Variants in STXBP5L observed in about 807,000 individuals in gnomAD.
STXBP5L encodes the protein syntaxin binding protein 5L.
A neutral mutation model predicts 144.5 loss-of-function variants in STXBP5L; 65 were observed. The observed-to-expected ratio is 0.45, with a 90% CI of 0.37 to 0.55. The LOEUF is 0.55. Among genes scored for constraint, STXBP5L ranks in the 20% least tolerant of loss-of-function variants. The pLI is 0.00. For missense variants in STXBP5L, 1,298 were observed against 1,405.5 expected, an observed-to-expected ratio of 0.92 and a Z score of 1.22; for synonymous variants, 505 against 469.6, an observed-to-expected ratio of 1.08 and a Z score of -0.97.
rs541720296 is a variant in STXBP5L at position 121,306,614 on chromosome 3, G to A, written c.2111-11861G>A. Among the ~76,000 whole-genome samples, 5 of 152,266 alleles carry A rather than the reference G, an allele frequency of 3.3e-5. No homozygotes were observed. In the East Asian group the frequency reaches 9.7e-4, roughly 29 times the overall value. On this transcript the variant is annotated intron_variant, in intron 19 of 26. Coordinates refer to ENST00000471454, the MANE Select transcript of STXBP5L (RefSeq NM_001308330.2). ...AAAGTGACTAGCCTTATATGAAACA[G>A]TGTGGGAAAGTTCAAGCCTAAGTGT...
chr3:121,043,870 T>C (rs913886946), intron 4 of STXBP5L, among the ~76,000 whole-genome samples: 2 of 152,226 alleles, frequency 1.3e-5, no homozygotes, highest in East Asian at 1.9e-4. Flanking sequence ...GAATGTTTTA[T>C]TGTTGTTACA....
chr3:121,134,735 T>G (rs2045165244), intron 7 of STXBP5L, among the ~76,000 whole-genome samples: 1 of 152,160 alleles, frequency 6.6e-6, no homozygotes, highest in African/African-American at 2.4e-5. Context: ...GGACATGAAC[T>G]CATCCTTTTT....
chr3:121,354,525 T>G lies in STXBP5L; in HGVS notation c.2177-24191T>G, dbSNP rs1003676379. Among the ~76,000 whole-genome samples, 793 of 148,612 alleles carry G rather than the reference T, an allele frequency of 5.3e-3. 6 individuals carry two copies. Among genetic ancestry groups the G allele is most frequent in the African/African-American group, 0.018 (730 of 40,412 alleles). ...CAACCCTGCTTTTTTTTTTTTTTTT[T>G]TTTTGCTCTCCATGTGCTTTGTAGA... On this transcript the variant is annotated intron_variant, in intron 20 of 26. Coordinates refer to ENST00000471454, the MANE Select transcript of STXBP5L (RefSeq NM_001308330.2).
chr3:121,167,954 G>C (rs187348931), intron 9 of STXBP5L, among the ~76,000 whole-genome samples: 49 of 152,242 alleles, frequency 3.2e-4, no homozygotes, highest in African/African-American at 1.1e-3. Context: ...TCTGGTGGGT[G>C]CCCCTCTGGG....
At chr3:120,911,098 A>G (rs977421727) in intron 2 of STXBP5L, among the ~76,000 whole-genome samples, 14 of 152,188 alleles carry the variant, frequency 9.2e-5, no homozygotes, top group African/African-American at 2.4e-5. Flanking sequence ...ATTTTTTCCA[A>G]ATTCTCTCAA....
intron 5 of STXBP5L, among the ~76,000 whole-genome samples, chr3:121,102,464 G>T (rs1407074292): frequency 6.6e-6 from 1 of 152,078 alleles, no homozygotes; most frequent in African/African-American, 2.4e-5. Flanking sequence ...AATGGGAAAA[G>T]TACTCCCTAT....
At chr3:121,378,930 GT>G (rs2046259593) in intron 21 of STXBP5L, 44 bp downstream of exon 21, 2 of 1,573,706 alleles carry the variant, frequency 1.3e-6, no homozygotes, top group Non-Finnish European at 1.7e-6. Context: ...TTAAAATTTG[GT>G]TTACAATGGT....
At chr3:120,914,826 G>A (rs1709025304) in intron 2 of STXBP5L, among the ~76,000 whole-genome samples, 2 of 152,064 alleles carry the variant, frequency 1.3e-5, no homozygotes, top group African/African-American at 4.8e-5. Context: ...CTACCATTAA[G>A]ACTAAGATGC....
chr3:121,255,420 A>T (rs190600569), intron 16 of STXBP5L, among the ~76,000 whole-genome samples: 4 of 152,214 alleles, frequency 2.6e-5, no homozygotes, highest in Admixed American at 2.6e-4. Flanking sequence ...CTTTGATGTT[A>T]CATGAGTTGC....
intron 2 of STXBP5L, among the ~76,000 whole-genome samples, chr3:120,952,647 C>G (rs1006461311): frequency 3.3e-5 from 5 of 152,030 alleles, no homozygotes; most frequent in Non-Finnish European, 5.9e-5. Flanking sequence ...GAAGCAGTGA[C>G]TTCAACTCAC....
At chr3:120,908,904 G>C (rs1708678247) in intron 1 of STXBP5L, among the ~76,000 whole-genome samples, 1 of 151,686 alleles carries the variant, frequency 6.6e-6, no homozygotes. Flanking sequence ...GGAAACAGAC[G>C]GTGTCGCCGT....
chr3:120,936,771 G>A (rs952264448), intron 2 of STXBP5L, among the ~76,000 whole-genome samples: 2 of 151,852 alleles, frequency 1.3e-5, no homozygotes, highest in Admixed American at 6.6e-5. Context: ...CACCACACCC[G>A]GCTAATTTTT....
intron 3 of STXBP5L, among the ~76,000 whole-genome samples, chr3:121,008,190 A>G (rs1222014799): frequency 3.3e-5 from 5 of 151,946 alleles, no homozygotes; most frequent in South Asian, 2.1e-4. Context: ...CGACGCCTCA[A>G]TAATAAGCTT....
intron 20 of STXBP5L, among the ~76,000 whole-genome samples, chr3:121,333,884 A>G (rs182350640): frequency 3.7e-4 from 57 of 152,212 alleles, no homozygotes; most frequent in Admixed American, 3.7e-3. Context: ...TGTTAATAAT[A>G]GCCTACTGAT....
chr3:121,348,989 C>T (rs1423731512), intron 20 of STXBP5L, among the ~76,000 whole-genome samples: 2 of 151,948 alleles, frequency 1.3e-5, no homozygotes, highest in African/African-American at 4.8e-5. Context: ...TTATTTCTTC[C>T]ATTCTGTTAG....
At chr3:120,935,659 G>T (rs1173248832) in intron 2 of STXBP5L, among the ~76,000 whole-genome samples, 2 of 151,930 alleles carry the variant, frequency 1.3e-5, no homozygotes, top group African/African-American at 4.8e-5. Context: ...TTGGTGTGGT[G>T]TTTTTCTTTC....
At chr3:121,125,294 C>G (rs2044655223) in intron 7 of STXBP5L, among the ~76,000 whole-genome samples, 1 of 152,004 alleles carries the variant, frequency 6.6e-6, no homozygotes, top group South Asian at 2.1e-4. Context: ...CATGGTGGAA[C>G]CCTGTCTCTA....
chr3:121,280,369 A>G (rs910963286), intron 19 of STXBP5L, among the ~76,000 whole-genome samples: 7 of 151,892 alleles, frequency 4.6e-5, no homozygotes, highest in East Asian at 1.9e-4. Context: ...TAGGTCATTT[A>G]CTACTTTTAA....
chr3:121,259,014 A>G (rs202246907), intron 17 of STXBP5L, 29 bp from the exon 18 acceptor site: 3 of 1,578,296 alleles, frequency 1.9e-6, no homozygotes, highest in Non-Finnish European at 2.6e-6. Context: ...TTTAAGCTGT[A>G]TATAATAGGA....
Sources: allele counts gnomAD v4.1 joint callset (sites outside exome capture counted in the v4.1 genomes callset), GRCh38; gene constraint gnomAD v4.1.1; transcripts MANE v1.5; gene names NCBI Gene and HGNC (gene_info 2026-07-23, HGNC 2026-07-21).